Variants in NEMF observed in about 807,000 individuals in gnomAD.
The protein encoded by NEMF is ribosome quality control complex subunit NEMF.
A neutral mutation model predicts 162.2 loss-of-function variants in NEMF; 89 were observed. The ratio of observed to expected loss-of-function variants is 0.55; its 90% confidence interval spans 0.46 to 0.65. NEMF has a LOEUF of 0.65. Ranked by LOEUF, NEMF falls within the 30% of genes least tolerant of loss-of-function variation. The pLI is 0.00. For missense variants in NEMF, 1,133 were observed against 1,261.9 expected, an observed-to-expected ratio of 0.90 and a Z score of 1.55; for synonymous variants, 421 against 404.5, an observed-to-expected ratio of 1.04 and a Z score of -0.49.
Position 49,784,040 on chromosome 14 carries a change from T to C in NEMF, c.*596A>G, listed in dbSNP as rs1890042368. The C allele has an allele frequency of 6.6e-6, 1 of 151,940 alleles. No individual in the cohort carries two copies. The highest frequency in any genetic ancestry group is 1.5e-5 in the Non-Finnish European group (1 of 67,942). The allele number at this position is 151,940 out of a possible 1,614,324, so 9.4% of individuals were successfully genotyped here. ...TCAAGCCACTTCACTGTTCAGTTTC[T>C]TTACATCATGAAATGAATACTTGGT... On this transcript the variant is annotated 3_prime_UTR_variant, in exon 33 of 33. Transcript: ENST00000298310.
rs1362175027 is a variant in NEMF at position 49,829,146 on chromosome 14, T to C, written c.1140A>G (p.Leu380=). 10 of 1,614,170 alleles carry C rather than the reference T, an allele frequency of 6.2e-6. No homozygotes were observed. The Admixed American group carries it at 8.3e-5, about 13-fold the overall frequency. ...ANQIDWTEIG[L]IVKEAQAQGD... is the part of the protein sequence containing the mutation. ...CTTGAGCCTGGGCTTCTTTCACAAT[T>C]AACCCAATTTCTGTCCAATCTATCT... The change falls in exon 13 of 33, where the codon TTA becomes TTG. Residue 380 remains leucine (L), a synonymous_variant. Transcript: ENST00000298310.
intron 3 of NEMF, among the ~76,000 whole-genome samples, chr14:49,846,870 A>G (rs1337868321): frequency 6.6e-6 from 1 of 152,166 alleles, no homozygotes; most frequent in Non-Finnish European, 1.5e-5. Context: ...GACCTCACTC[A>G]TAAGCCACAA....
intron 19 of NEMF, 34 bp from the exon 20 acceptor site, chr14:49,803,328 T>TA: frequency 7.0e-7 from 1 of 1,435,990 alleles, no homozygotes; most frequent in South Asian, 1.2e-5. Context: ...TATTCTTATT[T>TA]AAAAAAATAC....
At chr14:49,811,565 T>G (rs1167636824) in intron 18 of NEMF, among the ~76,000 whole-genome samples, 2 of 152,206 alleles carry the variant, frequency 1.3e-5, no homozygotes, top group African/African-American at 4.8e-5. Flanking sequence ...TAAGTATGAT[T>G]GTTAGCTGTC....
At chr14:49,845,094 T>C (rs1342249424) in intron 4 of NEMF, among the ~76,000 whole-genome samples, 1 of 148,768 alleles carries the variant, frequency 6.7e-6, no homozygotes, top group East Asian at 2.0e-4. Flanking sequence ...AGTTAGTTAG[T>C]TAGTTAGTTT....
intron 4 of NEMF, 97 bp downstream of exon 4, chr14:49,846,043 A>G: frequency 1.9e-6 from 2 of 1,037,314 alleles, no homozygotes; most frequent in Admixed American, 2.6e-5. Flanking sequence ...AACCTTTGAC[A>G]CAGAAAAAAA....
intron 4 of NEMF, 112 bp from the exon 5 acceptor site, chr14:49,840,978 C>T: frequency 1.2e-6 from 1 of 865,138 alleles, no homozygotes; most frequent in Non-Finnish European, 1.7e-6. Context: ...AGGCAGATCA[C>T]TTGAGGTCAG....
intron 18 of NEMF, among the ~76,000 whole-genome samples, chr14:49,808,429 C>G (rs1031454560): frequency 4.6e-4 from 70 of 152,268 alleles, no homozygotes; most frequent in African/African-American, 1.6e-3. Flanking sequence ...CCTGCCTCGG[C>G]CTCCCAAAGT....
chr14:49,804,091 A>AC (rs1195361288), intron 19 of NEMF, among the ~76,000 whole-genome samples: 2 of 145,406 alleles, frequency 1.4e-5, no homozygotes, highest in Non-Finnish European at 3.0e-5. Flanking sequence ...TGCAATCTCC[A>AC]CCTCCCAGGT....
chr14:49,842,896 C>T (rs1040736861), intron 4 of NEMF, among the ~76,000 whole-genome samples: 3 of 152,054 alleles, frequency 2.0e-5, no homozygotes, highest in Admixed American at 6.6e-5. Context: ...ATCCCAGCTA[C>T]TCGGGAGGCT....
rs917503243 is a variant in NEMF at position 49,795,799 on chromosome 14, C to T, written c.2611G>A (p.Gly871Arg). ...ATCATCCTGAAGTTTACCTTTTGTCCTCGTTTCATTGGCTGCACAGCCGCA... is the reference window on the plus strand; with the variant it reads ...ATCATCCTGAAGTTTACCTTTTGTCTTCGTTTCATTGGCTGCACAGCCGCA... Reference protein sequence around the residue: ...NVAAVQPMKRGQKSKMKKMKE... With the variant: ...NVAAVQPMKRRQKSKMKKMKE... Residue 871 changes from glycine (G) to arginine (R), a missense_variant, in exon 26 of 33, where the codon GGA (glycine) becomes AGA (arginine). By Grantham distance (125) the Gly-to-Arg change is moderately radical. Transcript: ENST00000298310. 13 of 1,609,950 alleles carry T rather than the reference C, an allele frequency of 8.1e-6. No homozygotes were observed. Among genetic ancestry groups the T allele is most frequent in the Non-Finnish European group, 1.1e-5 (13 of 1,179,092 alleles).
chr14:49,839,067 A>ATT (rs56002531), intron 5 of NEMF, among the ~76,000 whole-genome samples: 131 of 147,444 alleles, frequency 8.9e-4, no homozygotes, highest in East Asian at 9.9e-4. Flanking sequence ...AAGCATGTTA[A>ATT]TTTTTTTTTT....
intron 7 of NEMF, 73 bp from the exon 8 acceptor site, chr14:49,833,569 T>A: frequency 1.1e-6 from 1 of 923,108 alleles, no homozygotes; most frequent in Non-Finnish European, 1.6e-6. Context: ...AACAACTATG[T>A]AGAAAAACAG....
chr14:49,829,467 C>T, intron 11 of NEMF, 41 bp from the exon 12 acceptor site: 1 of 1,500,774 alleles, frequency 6.7e-7, no homozygotes, highest in East Asian at 2.3e-5. Context: ...TTAGATTTCT[C>T]CTACCTCATG....
chr14:49,851,255 T>C (rs2140040740), intron 3 of NEMF, among the ~76,000 whole-genome samples: 1 of 152,336 alleles, frequency 6.6e-6, no homozygotes, highest in Admixed American at 6.5e-5. Flanking sequence ...AACGTTGGTC[T>C]AATTTAGAAT....
At position 49,833,509 on chromosome 14, in the gene NEMF, G is replaced by GA. The variant is rs760014017; in HGVS notation, c.662-14dup. On this transcript the variant is annotated splice_polypyrimidine_tract_variant and intron_variant, in intron 7 of 32. Coordinates refer to ENST00000298310, the MANE Select transcript of NEMF (RefSeq NM_004713.6). ...ACTTTTTCAATATCTAATGGTGGGG[G>GA]AAAAAAAGGAAAAAAGGAGTGCCAA... is the stretch of plus-strand genomic sequence containing the variant. The GA allele has an allele frequency of 9.2e-6, 14 of 1,526,518 alleles. No individual in the cohort carries two copies. Among genetic ancestry groups the GA allele is most frequent in the African/African-American group, 2.8e-5 (2 of 72,476 alleles). The allele number at this position is 1,526,518 out of a possible 1,614,324, so 94.6% of individuals were successfully genotyped here. A position where few individuals can be genotyped will look rare whatever the true frequency, so the allele number is the denominator to read the frequency against.
At chr14:49,814,105 CT>C (rs375409448) in intron 17 of NEMF, 55 bp from the exon 18 acceptor site, 61,387 of 796,914 alleles carry the variant, frequency 0.077, no homozygotes, top group South Asian at 0.11. Flanking sequence ...TTCTTTTTTC[CT>C]TTTTTTTTTT....
chr14:49,834,198 C>G, intron 7 of NEMF, 165 bp downstream of exon 7: 1 of 601,654 alleles, frequency 1.7e-6, no homozygotes, highest in Non-Finnish European at 3.0e-6. Flanking sequence ...TTAAGTGATC[C>G]TCCCACCTTA....
intron 20 of NEMF, 25 bp from the exon 21 acceptor site, chr14:49,802,752 G>GT (rs1891014445): frequency 6.4e-7 from 1 of 1,564,830 alleles, no homozygotes; most frequent in East Asian, 2.2e-5. Flanking sequence ...GTACATTAAT[G>GT]CTTTGAAAAT....
Sources: gnomAD v4.1 joint callset for allele counts (sites outside exome capture counted in the v4.1 genomes callset) on GRCh38, gnomAD v4.1.1 for gene constraint, MANE v1.5 for transcripts, NCBI Gene and HGNC (gene_info 2026-07-23, HGNC 2026-07-21) for gene names.